Variants in ERC2 observed in about 807,000 individuals in gnomAD.
The protein encoded by ERC2 is ELKS/RAB6-interacting/CAST family member 2, also known as ERC protein 2.
In ERC2, 42 loss-of-function variants were observed where a neutral mutation model predicts 114.8. The ratio of observed to expected loss-of-function variants is 0.37; its 90% CI spans 0.29 to 0.47. The LOEUF (loss-of-function observed/expected upper bound fraction) is 0.47. Among genes scored for constraint, ERC2 ranks in the 20% least tolerant of loss-of-function variants. The probability of loss-of-function intolerance (pLI) is 0.99; values close to 1 mark genes in which losing one functional copy is unlikely to be tolerated. For missense variants in ERC2, 939 were observed against 1,150.7 expected, an observed-to-expected ratio of 0.82 and a Z score of 2.66; for synonymous variants, 454 against 425.5, an observed-to-expected ratio of 1.07 and a Z score of -0.82.
chr3:56,334,954 G>A (rs1303178923), intron 2 of ERC2, among the ~76,000 whole-genome samples: 1 of 152,130 alleles, frequency 6.6e-6, no homozygotes, highest in African/African-American at 2.4e-5. Flanking sequence ...ACAGGCACGT[G>A]CCACCATGCC....
chr3:55,852,575 T>C (rs749267286), intron 14 of ERC2: 6 of 153,834 alleles, frequency 3.9e-5, no homozygotes, highest in Non-Finnish European at 5.9e-5. Context: ...GATAATCTAG[T>C]GATCGGGTTA....
intron 4 of ERC2, among the ~76,000 whole-genome samples, chr3:56,149,508 T>A (rs2081309823): frequency 6.6e-6 from 1 of 152,240 alleles, no homozygotes; most frequent in African/African-American, 2.4e-5. Flanking sequence ...TATTTTTGAA[T>A]CTACTTATAA....
At chr3:55,656,833 C>G (rs1405039033) in intron 17 of ERC2, among the ~76,000 whole-genome samples, 1 of 151,958 alleles carries the variant, frequency 6.6e-6, no homozygotes, top group Non-Finnish European at 1.5e-5. Flanking sequence ...GACACGGCCT[C>G]TAGGGAAGAA....
chr3:56,312,315 A>C (rs913151567), intron 2 of ERC2, among the ~76,000 whole-genome samples: 2 of 152,252 alleles, frequency 1.3e-5, no homozygotes, highest in Non-Finnish European at 2.9e-5. Context: ...GCCAGAAGCT[A>C]GGAAGGGTGT....
chr3:56,416,507 C>T (rs2061160970), intron 2 of ERC2, among the ~76,000 whole-genome samples: 1 of 152,048 alleles, frequency 6.6e-6, no homozygotes, highest in African/African-American at 2.4e-5. Flanking sequence ...GCAACATTAA[C>T]ACTTCCAAGC....
chr3:56,128,152 A>G (rs1215457097), intron 6 of ERC2, among the ~76,000 whole-genome samples: 1 of 152,178 alleles, frequency 6.6e-6, no homozygotes, highest in African/African-American at 2.4e-5. Flanking sequence ...AAGCTCTCCT[A>G]TTCATTAGGT....
chr3:56,352,005 T>C (rs950512237), intron 2 of ERC2, among the ~76,000 whole-genome samples: 3 of 152,022 alleles, frequency 2.0e-5, no homozygotes, highest in Non-Finnish European at 2.9e-5. Context: ...AAGTGGAGAA[T>C]AACCAAGGAA....
At chr3:56,049,511 A>G (rs2075653997) in intron 7 of ERC2, among the ~76,000 whole-genome samples, 1 of 152,202 alleles carries the variant, frequency 6.6e-6, no homozygotes, top group South Asian at 2.1e-4. Context: ...TTGCCAAAGA[A>G]GATTAACAGT....
At chr3:56,146,619 A>C (rs1361898174) in intron 5 of ERC2, among the ~76,000 whole-genome samples, 1 of 152,190 alleles carries the variant, frequency 6.6e-6, no homozygotes, top group Non-Finnish European at 1.5e-5. Flanking sequence ...TTTTTGAGCC[A>C]GGTACTTTAA....
intron 3 of ERC2, among the ~76,000 whole-genome samples, chr3:56,243,551 G>T (rs2051466436): frequency 6.6e-6 from 1 of 152,202 alleles, no homozygotes; most frequent in South Asian, 2.1e-4. Context: ...AGAGCAAATG[G>T]AAGAAGAACA....
chr3:56,398,772 C>T (rs2106926689), intron 2 of ERC2, among the ~76,000 whole-genome samples: 1 of 152,174 alleles, frequency 6.6e-6, no homozygotes, highest in African/African-American at 2.4e-5. Flanking sequence ...AGGCATATAC[C>T]ACCACACTCG....
At chr3:56,422,984 T>C (rs1432213467) in intron 2 of ERC2, among the ~76,000 whole-genome samples, 1 of 152,232 alleles carries the variant, frequency 6.6e-6, no homozygotes, top group East Asian at 1.9e-4. Flanking sequence ...AAAGAAATTA[T>C]AGTTTTATAA....
chr3:56,078,649 G>A (rs1006225607), intron 7 of ERC2, among the ~76,000 whole-genome samples: 2 of 152,068 alleles, frequency 1.3e-5, no homozygotes, highest in African/African-American at 4.8e-5. Context: ...GCAGTAGGGG[G>A]TGAGCATGTA....
rs537863126 is a variant in ERC2 at position 56,236,011 on chromosome 3, C to T, written c.1074+60008G>A. 5.9e-5 allele frequency among the ~76,000 whole-genome samples: 9 copies of T among 152,290 alleles called. No homozygotes were observed. In the South Asian group the frequency reaches 1.9e-3, roughly 32 times the overall value. On this transcript the variant is annotated intron_variant, in intron 3 of 17. Transcript: ENST00000288221. ...ATTGGATCTGGGAATTCAAAGAACA[C>T]TCTCCTGTGGAAGTGACCAGAAAGG...
chr3:56,164,751 C>T (rs866121651), intron 4 of ERC2, among the ~76,000 whole-genome samples: 34 of 152,118 alleles, frequency 2.2e-4, no homozygotes, highest in African/African-American at 6.7e-4. Context: ...TCCTCCCCAA[C>T]GCTCATTATT....
chr3:55,623,196 T>A (rs2059389409), intron 17 of ERC2, among the ~76,000 whole-genome samples: 1 of 152,220 alleles, frequency 6.6e-6, no homozygotes, highest in African/African-American at 2.4e-5. Context: ...GCAAGTCACC[T>A]GAGCTTTCAT....
chr3:56,035,130 G>A (rs2074707676), intron 7 of ERC2, among the ~76,000 whole-genome samples: 2 of 151,942 alleles, frequency 1.3e-5, no homozygotes, highest in African/African-American at 4.8e-5. Context: ...ATAAATGAAA[G>A]ATGTGACATG....
intron 17 of ERC2, among the ~76,000 whole-genome samples, chr3:55,582,771 C>T (rs912387358): frequency 1.3e-5 from 2 of 152,194 alleles, no homozygotes; most frequent in Non-Finnish European, 2.9e-5. Context: ...GAGTTCAAAT[C>T]CTGACATTAT....
At chr3:56,406,461 G>T (rs1457656634) in intron 2 of ERC2, among the ~76,000 whole-genome samples, 3 of 152,166 alleles carry the variant, frequency 2.0e-5, no homozygotes, top group African/African-American at 7.2e-5. Context: ...TGTTGTAATT[G>T]TGGTGACTCC....
Sources: allele counts gnomAD v4.1 joint callset (sites outside exome capture counted in the v4.1 genomes callset), GRCh38; gene constraint gnomAD v4.1.1; transcripts MANE v1.5; gene names NCBI Gene and HGNC (gene_info 2026-07-23, HGNC 2026-07-21).